The following USP31 variants were observed in gnomAD, a reference collection of about 807,000 sequenced individuals.
USP31 encodes ubiquitin carboxyl-terminal hydrolase 31.
In USP31, 44 loss-of-function variants were observed where a neutral mutation model predicts 119.4. That is an observed-to-expected ratio of 0.37 (90% confidence interval 0.29 to 0.47). The LOEUF (loss-of-function observed/expected upper bound fraction) is 0.47, where lower values mean the gene tolerates loss of function less well. Ranked by LOEUF, USP31 falls within the 20% of genes least tolerant of loss-of-function variation. The pLI is 0.99. For synonymous variants in USP31, 749 were observed against 705.6 expected, an observed-to-expected ratio of 1.06 and a Z score of -0.97; for missense variants, 1,643 against 1,730.2, an observed-to-expected ratio of 0.95 and a Z score of 0.89.
intron 1 of USP31, among the ~76,000 whole-genome samples, chr16:23,124,267 G>A (rs1470267540): frequency 6.6e-6 from 1 of 152,164 alleles, no homozygotes; most frequent in Non-Finnish European, 1.5e-5. Flanking sequence ...GAACAACTGA[G>A]TATGTCTAGG....
intron 1 of USP31, among the ~76,000 whole-genome samples, chr16:23,130,904 G>A (rs1039888042): frequency 6.6e-5 from 10 of 152,150 alleles, no homozygotes; most frequent in African/African-American, 2.4e-4. Context: ...GTTCATTTTT[G>A]GATCCAAATG....
chr16:23,067,931 T>A lies in USP31; in HGVS notation c.*115A>T. 1 of 1,180,230 alleles carries A rather than the reference T, an allele frequency of 8.5e-7. No individual in the cohort carries two copies. The highest frequency in any genetic ancestry group is 2.4e-5 in the East Asian group (1 of 41,560). 73.1% of individuals were successfully genotyped at this position (1,180,230 alleles called of 1,614,324 possible). On this transcript the variant is annotated 3_prime_UTR_variant, in exon 16 of 16. Transcript: ENST00000219689. ...CATACACTCACACACACACACACAG[T>A]CGGGCACGTGACTCAAAAAAGTACA... is the stretch of plus-strand genomic sequence containing the variant.
intron 5 of USP31, among the ~76,000 whole-genome samples, chr16:23,104,000 G>A (rs1901990948): frequency 6.6e-6 from 1 of 152,170 alleles, no homozygotes; most frequent in African/African-American, 2.4e-5. Context: ...GACATTTAAA[G>A]ACTTCATTAT....
chr16:23,074,842 T>C (rs1202045071), intron 13 of USP31, among the ~76,000 whole-genome samples: 1 of 152,240 alleles, frequency 6.6e-6, no homozygotes, highest in East Asian at 1.9e-4. Flanking sequence ...CAAAGGGTGT[T>C]ATAAGCTTGA....
intron 1 of USP31, among the ~76,000 whole-genome samples, chr16:23,129,284 G>A: frequency 6.6e-6 from 1 of 152,034 alleles, no homozygotes. Flanking sequence ...TTGAAATTTT[G>A]GAAACTTATT....
intron 1 of USP31, 139 bp from the exon 2 acceptor site, chr16:23,108,322 CAGAT>C: frequency 8.4e-7 from 1 of 1,187,386 alleles, no homozygotes; most frequent in South Asian, 1.8e-5. Context: ...AAAGTAAAAA[CAGAT>C]GCCAGTGTAA....
At chr16:23,144,854 A>G (rs1903460372) in intron 1 of USP31, among the ~76,000 whole-genome samples, 1 of 152,166 alleles carries the variant, frequency 6.6e-6, no homozygotes, top group Non-Finnish European at 1.5e-5. Flanking sequence ...TTTTTTAAAA[A>G]GTAATCAATT....
At chr16:23,092,254 T>C (rs1314235143) in intron 6 of USP31, among the ~76,000 whole-genome samples, 1 of 152,182 alleles carries the variant, frequency 6.6e-6, no homozygotes, top group African/African-American at 2.4e-5. Context: ...ACAATAACCT[T>C]TGGATTCACC....
chr16:23,130,211 T>C (rs1390872149), intron 1 of USP31, among the ~76,000 whole-genome samples: 1 of 152,204 alleles, frequency 6.6e-6, no homozygotes, highest in Non-Finnish European at 1.5e-5. Context: ...ACTTTCTGTA[T>C]AAAAAAGCAA....
In USP31 at chr16:23,137,245, A is replaced by T. The variant is rs543250665; in HGVS notation, c.633+11393T>A. 3.3e-5 allele frequency among the ~76,000 whole-genome samples: 5 copies of T among 152,274 alleles called. 1 individual carries two copies. The South Asian group carries it at 1.0e-3, about 32-fold the overall frequency. On this transcript the variant is annotated intron_variant, in intron 1 of 15. Transcript: ENST00000219689. The stretch of plus-strand genomic sequence containing the variant: ...CAAACAAAAAAAACAATGCGATACC[A>T]CTTTACACCCACTAGGATGGCTATA...
intron 6 of USP31, among the ~76,000 whole-genome samples, chr16:23,100,640 G>A (rs1297302111): frequency 1.3e-5 from 2 of 152,126 alleles, no homozygotes; most frequent in Non-Finnish European, 2.9e-5. Flanking sequence ...AGGTGTGGTG[G>A]CATGCGCCTG....
chr16:23,127,642 G>GT (rs397766138), intron 1 of USP31, among the ~76,000 whole-genome samples: 1,828 of 128,092 alleles, frequency 0.014, 30 homozygotes, highest in African/African-American at 0.033. Context: ...AATTTTTGTA[G>GT]TTTTTTTTTT....
chr16:23,111,199 T>C (rs1177153081), intron 1 of USP31, among the ~76,000 whole-genome samples: 1 of 151,778 alleles, frequency 6.6e-6, no homozygotes, highest in East Asian at 1.9e-4. Context: ...AACTGTACAA[T>C]GGGAGAGTAG....
intron 1 of USP31, 72 bp from the exon 2 acceptor site, chr16:23,108,255 T>C: frequency 6.6e-7 from 1 of 1,516,888 alleles, no homozygotes; most frequent in Non-Finnish European, 8.8e-7. Flanking sequence ...TTATTCATAA[T>C]CGCAAAAGGG....
chr16:23,065,893 G>T lies in USP31; in HGVS notation c.*2153C>A, dbSNP rs1900047071. On this transcript the variant is annotated 3_prime_UTR_variant, in exon 16 of 16. Coordinates refer to ENST00000219689, the MANE Select transcript of USP31 (RefSeq NM_020718.4). ...GATTCAGATAGGAGACTTCAAATGA[G>T]ATCTACCTATTAAACAAAAATGAGA... 6.6e-6 allele frequency: 1 copy of T among 152,144 alleles called. No homozygotes were observed. Among genetic ancestry groups the T allele is most frequent in the Non-Finnish European group, 1.5e-5 (1 of 68,022 alleles). 9.4% of individuals were successfully genotyped at this position (152,144 alleles called of 1,614,324 possible).
chr16:23,146,493 C>T (rs916853921), intron 1 of USP31, among the ~76,000 whole-genome samples: 1 of 151,804 alleles, frequency 6.6e-6, no homozygotes, highest in Non-Finnish European at 1.5e-5. Flanking sequence ...AGGCCACTGC[C>T]CTCCAGCCTG....
At position 23,105,520 on chromosome 16, in the gene USP31, C is replaced by A; in HGVS notation, c.1010G>T (p.Gly337Val). Residue 337 changes from glycine (G) to valine (V), a missense_variant, in exon 5 of 16, where the codon GGT becomes GTT. Gly to Val is a moderately radical substitution (Grantham distance 109, BLOSUM62 -3). This residue lies in a region of USP31 where 144 missense variants were observed against 218.0 expected (regional missense o/e 0.66). Transcript: ENST00000219689. ...QGKCSHCMRI[G>V]VAVPLSGTVA... The stretch of plus-strand genomic sequence containing the variant: ...AGTCCCAGACAGAGGTACGGCCACA[C>A]CAATCCTCATGCAGTGAGAACATTT... 6.2e-7 allele frequency: 1 copy of A among 1,614,120 alleles called. No homozygotes were observed. The highest frequency in any genetic ancestry group is 2.2e-5 in the East Asian group (1 of 44,890).
At position 23,068,735 on chromosome 16, in the gene USP31, T is replaced by C. The variant is rs1249338684; in HGVS notation, c.3370A>G (p.Thr1124Ala). ...TTTTTGGCAGATGTGGAGGAAGCAG[T>C]GTAGGTGAGGGCCGAGGCTGACTTC... ...KQKSASALTY[T>A]ASSTSAKKAS... The change falls in exon 16 of 16, where the codon ACT becomes GCT. Residue 1124 changes from threonine to alanine, a missense_variant. By Grantham distance (58) the Thr-to-Ala change is moderately conservative. Around this residue, in one of 5 missense-constraint regions of USP31, gnomAD observed 699 missense variants for 650.9 expected, o/e 1.07. Coordinates refer to ENST00000219689, the MANE Select transcript of USP31 (RefSeq NM_020718.4). 5 of 1,606,810 alleles carry C rather than the reference T, an allele frequency of 3.1e-6. No homozygotes were observed. Among genetic ancestry groups the C allele is most frequent in the Non-Finnish European group, 3.4e-6 (4 of 1,176,916 alleles).
chr16:23,082,834 T>G (rs1163680901), intron 11 of USP31, among the ~76,000 whole-genome samples: 1 of 147,592 alleles, frequency 6.8e-6, no homozygotes, highest in Non-Finnish European at 1.5e-5. Flanking sequence ...TCTCTCTCTT[T>G]TTTTTTTTTT....
Sources: gnomAD v4.1 joint callset for allele counts (sites outside exome capture counted in the v4.1 genomes callset) on GRCh38, gnomAD v4.1.1 for gene constraint, gnomAD v4.1.1 regional missense constraint, MANE v1.5 for transcripts, NCBI Gene and HGNC (gene_info 2026-07-23, HGNC 2026-07-21) for gene names.